Variants in NLRC5 observed in about 807,000 individuals in gnomAD.
NLRC5 encodes protein NLRC5.
In NLRC5, 114 loss-of-function variants were observed where a neutral mutation model predicts 206.9. The ratio of observed to expected loss-of-function variants is 0.55; its 90% CI spans 0.47 to 0.64. The LOEUF is 0.64. NLRC5 is among the 30% of genes least tolerant of loss of function. The pLI, the probability that NLRC5 is intolerant of heterozygous loss-of-function variation, is 0.00. For synonymous variants in NLRC5, 952 were observed against 962.8 expected (o/e 0.99, Z 0.21); for missense variants, 2,008 against 2,305.5 (o/e 0.87, Z 2.64).
Position 57,027,042 on chromosome 16 carries a change from G to A in NLRC5, c.2075+24G>A, listed in dbSNP as rs143674693. 3.1e-4 allele frequency: 500 copies of A among 1,600,898 alleles called. No individual in the cohort carries two copies. In the African/African-American group the frequency reaches 4.8e-3, roughly 15 times the overall value. Reference sequence around the variant, plus strand: ...AGGTGAGTAAGAGTGGAGGAGGACCGGGGAGGGGATTGGGCTTTTGGGGGA... The same window carrying A: ...AGGTGAGTAAGAGTGGAGGAGGACCAGGGAGGGGATTGGGCTTTTGGGGGA... On this transcript the variant is annotated intron_variant, in intron 6 of 48. Transcript: ENST00000688547.
rs2068800776 is a variant in NLRC5 at position 57,079,129 on chromosome 16, A to G, written c.5161A>G (p.Ile1721Val). Residue 1721 changes from isoleucine (I) to valine (V), a missense_variant, in exon 44 of 49, where the codon ATC (isoleucine) becomes GTC (valine). By Grantham distance (29) the Ile-to-Val change is conservative. Transcript: ENST00000688547. ...ALDGSPHLEE[I>V]SLAENNLAGG... Reference sequence around the variant, plus strand: ...GGATGGATCCCCCCATTTGGAAGAGATCAGGTAAGTAGGGGCTGCCCAGCC... The same window carrying G: ...GGATGGATCCCCCCATTTGGAAGAGGTCAGGTAAGTAGGGGCTGCCCAGCC... The G allele has an allele frequency of 6.2e-7, 1 of 1,613,950 alleles. No homozygotes were observed. Among genetic ancestry groups the G allele is most frequent in the Admixed American group, 1.7e-5 (1 of 60,006 alleles).
Position 57,041,579 on chromosome 16 carries a change from G to C in NLRC5, c.3029+5G>C, listed in dbSNP as rs2063292765. On this transcript the variant is annotated splice_donor_5th_base_variant and intron_variant, in intron 18 of 48. Transcript: ENST00000688547. The stretch of plus-strand genomic sequence containing the variant: ...CCTCGGTCACCTCCACCTCGAGTGA[G>C]TGGTTTGTGTGTTGGAAGGTGGGTG... 1 of 1,613,338 alleles carries C rather than the reference G, an allele frequency of 6.2e-7. No homozygotes were observed. Among genetic ancestry groups the C allele is most frequent in the South Asian group, 1.1e-5 (1 of 91,080 alleles).
At chr16:57,044,387 T>C (rs1469171295) in intron 20 of NLRC5, among the ~76,000 whole-genome samples, 1 of 151,696 alleles carries the variant, frequency 6.6e-6, no homozygotes, top group African/African-American at 2.4e-5. Context: ...TTGTGGGAGC[T>C]GATGAGAATA....
At chr16:57,057,493 CCAAT>C (rs1597387599) in intron 27 of NLRC5, among the ~76,000 whole-genome samples, 1 of 152,224 alleles carries the variant, frequency 6.6e-6, no homozygotes, top group East Asian at 1.9e-4. Flanking sequence ...GGTGAGGTTT[CCAAT>C]ATTGATATTG....
rs773424674 is a variant in NLRC5 at position 57,022,332 on chromosome 16, G to A, written c.355+17G>A. 1.3e-5 allele frequency: 21 copies of A among 1,603,614 alleles called. No homozygotes were observed. Among genetic ancestry groups the A allele is most frequent in the African/African-American group, 8.0e-5 (6 of 74,770 alleles). On this transcript the variant is annotated intron_variant, in intron 4 of 48. Transcript: ENST00000688547. Reference sequence around the variant, plus strand: ...TCCACCATGGTGAGGACTGGAGTTGGGGGGTGGGAAGGGGGTGGTGAGCAC... The same window carrying A: ...TCCACCATGGTGAGGACTGGAGTTGAGGGGTGGGAAGGGGGTGGTGAGCAC...
Position 57,032,004 on chromosome 16 carries a change from CCA to C in NLRC5, c.2477+545_2477+546del, listed in dbSNP as rs199992264. On this transcript the variant is annotated intron_variant, in intron 11 of 48. Transcript: ENST00000688547. Reference sequence around the variant, plus strand: ...AAAAGACCATCCCAACTGTGCTCTACCACACTTTGCTCTCCTGGCTAAGACTC... The same window carrying C: ...AAAAGACCATCCCAACTGTGCTCTACCACTTTGCTCTCCTGGCTAAGACTC... 7.0e-3 allele frequency among the ~76,000 whole-genome samples: 1,071 copies of C among 152,036 alleles called. 14 individuals carry two copies. The highest frequency in any genetic ancestry group is 0.018 in the African/African-American group (758 of 41,430).
Position 57,020,940 on chromosome 16 carries a change from G to T in NLRC5, c.228G>T (p.Val76=). ...CCTGGCAGTCTTTCATTCATTGTGT[G>T]TGCATGCAGCTGGAGGTGCCTCTGG... ...SDTWQSFIHC[V]CMQLEVPLDL... is the part of the protein sequence containing the mutation. The change falls in exon 3 of 49, where the codon GTG becomes GTT. Residue 76 remains valine (V), a synonymous_variant. Transcript: ENST00000688547. The T allele has an allele frequency of 5.6e-6, 9 of 1,614,060 alleles. No homozygotes were observed. The highest frequency in any genetic ancestry group is 7.6e-6 in the Non-Finnish European group (9 of 1,180,018).
intron 43 of NLRC5, among the ~76,000 whole-genome samples, chr16:57,078,478 T>G (rs1219184779): frequency 6.2e-5 from 9 of 145,998 alleles, no homozygotes; most frequent in South Asian, 2.3e-4. Flanking sequence ...TTTTTTTTTT[T>G]TTTTTTTTTT....
intron 46 of NLRC5, 111 bp downstream of exon 46, chr16:57,079,740 G>A (rs1448360323): frequency 1.3e-6 from 1 of 783,682 alleles, no homozygotes; most frequent in Non-Finnish European, 2.2e-6. Context: ...ATCCTCTCTG[G>A]CCAGTCCTCC....
At chr16:57,031,092 C>T (rs1413826189) in intron 10 of NLRC5, among the ~76,000 whole-genome samples, 1 of 151,512 alleles carries the variant, frequency 6.6e-6, no homozygotes, top group African/African-American at 2.4e-5. Flanking sequence ...AGAGTGAGAT[C>T]TCCATCTCAA....
At chr16:57,016,040 C>A (rs1413365226) in intron 1 of NLRC5, among the ~76,000 whole-genome samples, 1 of 151,242 alleles carries the variant, frequency 6.6e-6, no homozygotes, top group Admixed American at 6.6e-5. Context: ...CATGGTGAAA[C>A]CTAGTCTCTA....
chr16:56,997,826 C>T (rs1417715124), intron 1 of NLRC5, among the ~76,000 whole-genome samples: 2 of 152,204 alleles, frequency 1.3e-5, no homozygotes, highest in African/African-American at 4.8e-5. Flanking sequence ...AGCGATCCTC[C>T]TGCTTCAGCC....
intron 1 of NLRC5, among the ~76,000 whole-genome samples, chr16:57,008,180 G>A (rs1007798185): frequency 1.8e-4 from 28 of 151,772 alleles, no homozygotes; most frequent in African/African-American, 6.3e-4. Context: ...TTGAGTCCAG[G>A]AGTTCAAGGC....
chr16:57,023,535 C>A lies in NLRC5; in HGVS notation c.356-250C>A, dbSNP rs183302160. On this transcript the variant is annotated intron_variant, in intron 4 of 48. Transcript: ENST00000688547. ...TGCTGGCTGTTGGCCCTGCTTCCTG[C>A]ATCCTGGACTGCAAGACTGCCAGGC... 2.4e-3 allele frequency among the ~76,000 whole-genome samples: 367 copies of A among 152,304 alleles called. 1 individual carries two copies. The highest frequency in any genetic ancestry group is 0.01 in the Middle Eastern group (3 of 294).
chr16:57,048,602 C>T (rs1209731487), intron 23 of NLRC5, among the ~76,000 whole-genome samples: 6 of 152,232 alleles, frequency 3.9e-5, no homozygotes, highest in South Asian at 2.1e-4. Flanking sequence ...GGCGTGATCT[C>T]GGCTTGCTGC....
intron 24 of NLRC5, among the ~76,000 whole-genome samples, chr16:57,053,615 G>A (rs1263850463): frequency 6.6e-6 from 1 of 152,110 alleles, no homozygotes; most frequent in Non-Finnish European, 1.5e-5. Flanking sequence ...TGCAACCTCC[G>A]CCTCCCAGGT....
At chr16:57,065,454 G>T (rs1053389090) in intron 33 of NLRC5, among the ~76,000 whole-genome samples, 156 bp downstream of exon 33, 5 of 152,148 alleles carry the variant, frequency 3.3e-5, no homozygotes, top group African/African-American at 4.8e-5. Flanking sequence ...ATATGTGAGG[G>T]GCTACACATT....
chr16:57,025,915 C>G lies in NLRC5; in HGVS notation c.972C>G (p.Val324=). ...QPMGPDGPGP[V]LTLFSHLCNG... ...TGGGTCCTGATGGCCCAGGCCCAGTCCTCACCCTTTTCTCCCATCTCTGCA... is the reference window on the plus strand; with the variant it reads ...TGGGTCCTGATGGCCCAGGCCCAGTGCTCACCCTTTTCTCCCATCTCTGCA... Residue 324 remains valine (V), a synonymous_variant, in exon 6 of 49, where the codon GTC becomes GTG. Transcript: ENST00000688547. 4 of 1,614,190 alleles carry G rather than the reference C, an allele frequency of 2.5e-6. No homozygotes were observed. The highest frequency in any genetic ancestry group is 3.4e-6 in the Non-Finnish European group (4 of 1,180,040).
intron 28 of NLRC5, 152 bp downstream of exon 28, chr16:57,058,300 C>A: frequency 1.6e-6 from 1 of 643,262 alleles, no homozygotes; most frequent in East Asian, 2.8e-5. Flanking sequence ...TGCCTTCACT[C>A]CCCTGGCCTT....
Sources: allele counts gnomAD v4.1 joint callset (sites outside exome capture counted in the v4.1 genomes callset), GRCh38; gene constraint gnomAD v4.1.1; transcripts MANE v1.5; gene names NCBI Gene and HGNC (gene_info 2026-07-23, HGNC 2026-07-21).